SORCS3: variants seen among roughly 807,000 people sequenced by gnomAD.
SORCS3 encodes the protein VPS10 domain-containing receptor SorCS3.
In SORCS3, 57 loss-of-function variants were observed where a neutral mutation model predicts 146.3. That is an observed-to-expected ratio of 0.39 (90% CI 0.31 to 0.49). The LOEUF is 0.49. Ranked by LOEUF, SORCS3 falls within the 20% of genes least tolerant of loss-of-function variation. SORCS3 has a pLI of 0.92. For synonymous variants in SORCS3, 653 were observed against 618.5 expected (o/e 1.06, Z -0.83); for missense variants, 1,341 against 1,575.5 (o/e 0.85, Z 2.52).
intron 14 of SORCS3, among the ~76,000 whole-genome samples, chr10:105,196,605 C>CA (rs546899094): frequency 1.7e-3 from 251 of 151,614 alleles, no homozygotes; most frequent in African/African-American, 5.5e-3. Context: ...AACTCTGTTT[C>CA]AAAAAAAACA....
In SORCS3 at chr10:104,737,903, T is replaced by A. The variant is rs2016794488; in HGVS notation, c.627+95949T>A. Among the ~76,000 whole-genome samples the A allele has an allele frequency of 4.0e-5, 6 of 150,088 alleles. No individual in the cohort carries two copies. In the South Asian group the frequency reaches 1.3e-3, roughly 33 times the overall value. The stretch of plus-strand genomic sequence containing the variant: ...AGGTTTTCTTCTAGGGTTTTTATGG[T>A]TTTAGGTCTAACGTTTAAGTCTTTA... On this transcript the variant is annotated intron_variant, in intron 1 of 26. Transcript: ENST00000369701.
In SORCS3 at chr10:104,995,322, G is replaced by A. The variant is rs767553263; in HGVS notation, c.954+17829G>A. On this transcript the variant is annotated intron_variant, in intron 4 of 26. Transcript: ENST00000369701. ...TCACAGGTGCACGCCACCATGACCGGCTAACTTTTGTATTTTTAATAGAGA... is the reference window on the plus strand; with the variant it reads ...TCACAGGTGCACGCCACCATGACCGACTAACTTTTGTATTTTTAATAGAGA... Among the ~76,000 whole-genome samples the A allele has an allele frequency of 3.6e-4, 54 of 151,922 alleles. No homozygotes were observed. The Middle Eastern group carries it at 0.014, about 39-fold the overall frequency.
intron 3 of SORCS3, among the ~76,000 whole-genome samples, chr10:104,967,226 C>T (rs1394578437): frequency 2.0e-5 from 3 of 152,062 alleles, no homozygotes; most frequent in Non-Finnish European, 4.4e-5. Flanking sequence ...TTTACTCTGG[C>T]CGTATTCATG....
At chr10:104,807,206 T>C (rs2017688034) in intron 1 of SORCS3, among the ~76,000 whole-genome samples, 1 of 151,994 alleles carries the variant, frequency 6.6e-6, no homozygotes, top group Non-Finnish European at 1.5e-5. Flanking sequence ...CGCATGTGTG[T>C]GTGTGCGTGT....
chr10:105,228,300 T>TCTGC (rs1181386729), intron 20 of SORCS3, among the ~76,000 whole-genome samples: 1 of 151,834 alleles, frequency 6.6e-6, no homozygotes, highest in East Asian at 1.9e-4. Context: ...TTTTCATGTG[T>TCTGC]CTGCCTGCCT....
intron 1 of SORCS3, among the ~76,000 whole-genome samples, chr10:104,683,555 G>C (rs1373249715): frequency 6.6e-6 from 1 of 152,190 alleles, no homozygotes; most frequent in Non-Finnish European, 1.5e-5. Context: ...TTACCCTTTT[G>C]CCTTGATGCT....
At chr10:104,846,432 C>A (rs1418381336) in intron 2 of SORCS3, among the ~76,000 whole-genome samples, 5 of 152,166 alleles carry the variant, frequency 3.3e-5, no homozygotes, top group African/African-American at 1.2e-4. Flanking sequence ...TTCGGCCTAA[C>A]ATGCTTAACC....
intron 1 of SORCS3, among the ~76,000 whole-genome samples, chr10:104,818,885 C>T (rs566085463): frequency 3.9e-5 from 6 of 151,962 alleles, no homozygotes; most frequent in South Asian, 2.1e-4. Flanking sequence ...CATGCATGAC[C>T]GTGTGGGACT....
chr10:104,852,728 C>CGTAA (rs1385397419), intron 2 of SORCS3, among the ~76,000 whole-genome samples: 2 of 152,290 alleles, frequency 1.3e-5, no homozygotes, highest in Admixed American at 1.3e-4. Context: ...GAGTGATGAG[C>CGTAA]GTAATCATTC....
chr10:104,667,243 C>T (rs907646172), intron 1 of SORCS3, among the ~76,000 whole-genome samples: 3 of 152,208 alleles, frequency 2.0e-5, no homozygotes, highest in Non-Finnish European at 2.9e-5. Context: ...TATGTACTGA[C>T]TTTCCCGAGC....
intron 1 of SORCS3, among the ~76,000 whole-genome samples, chr10:104,835,791 G>A (rs760684169): frequency 6.6e-6 from 1 of 152,182 alleles, no homozygotes; most frequent in Non-Finnish European, 1.5e-5. Flanking sequence ...CCAAATATGA[G>A]TAACTAGAAG....
chr10:105,200,024 T>A lies in SORCS3; in HGVS notation c.2035T>A (p.Ser679Thr). ...AGTTTTTGGCCACTTCAGCCTCCGC[T>A]CCGAATGGCAATTGGTGAAAGTGGA... Reference protein sequence around the residue: ...MTVFGHFSLRSEWQLVKVDYK... With the variant: ...MTVFGHFSLRTEWQLVKVDYK... Residue 679 changes from serine (S) to threonine (T), a missense_variant, in exon 15 of 27, where the codon TCC becomes ACC. Ser to Thr is a moderately conservative substitution (Grantham distance 58, BLOSUM62 1). Transcript: ENST00000369701. The A allele has an allele frequency of 1.2e-6, 2 of 1,613,614 alleles. No homozygotes were observed. The highest frequency in any genetic ancestry group is 1.7e-6 in the Non-Finnish European group (2 of 1,179,658).
intron 6 of SORCS3, among the ~76,000 whole-genome samples, chr10:105,102,652 G>C (rs1330217637): frequency 6.6e-6 from 1 of 152,030 alleles, no homozygotes. Context: ...ATGCACATGT[G>C]CATCCTGGAT....
chr10:105,114,373 G>C (rs1229578231), intron 7 of SORCS3, among the ~76,000 whole-genome samples: 1 of 152,032 alleles, frequency 6.6e-6, no homozygotes, highest in Non-Finnish European at 1.5e-5. Flanking sequence ...TTTGGAAGAG[G>C]GACGGTCATC....
chr10:105,230,849 C>T (rs1177980034), intron 20 of SORCS3, among the ~76,000 whole-genome samples: 1 of 152,196 alleles, frequency 6.6e-6, no homozygotes, highest in African/African-American at 2.4e-5. Flanking sequence ...CTTGCTGCAG[C>T]TGCTTTGGAC....
intron 1 of SORCS3, among the ~76,000 whole-genome samples, chr10:104,675,198 A>G (rs1430256394): frequency 6.6e-6 from 1 of 152,172 alleles, no homozygotes; most frequent in African/African-American, 2.4e-5. Context: ...TTTTTAATTC[A>G]ATTACTGAGA....
chr10:104,959,762 AG>A (rs1351578637), intron 3 of SORCS3, among the ~76,000 whole-genome samples: 7 of 152,218 alleles, frequency 4.6e-5, no homozygotes, highest in African/African-American at 1.2e-4. Flanking sequence ...CATGCAGCAC[AG>A]GTGTCTTGAG....
At chr10:104,674,005 C>T (rs1410676659) in intron 1 of SORCS3, among the ~76,000 whole-genome samples, 2 of 152,126 alleles carry the variant, frequency 1.3e-5, no homozygotes, top group East Asian at 1.9e-4. Context: ...CATACATTTT[C>T]GGTGTCCATT....
intron 1 of SORCS3, among the ~76,000 whole-genome samples, chr10:104,662,378 C>T (rs1214814647): frequency 6.6e-6 from 1 of 152,144 alleles, no homozygotes; most frequent in East Asian, 1.9e-4. Flanking sequence ...TTCATGGTGA[C>T]TCGATGAAGT....
Sources: gnomAD v4.1 joint callset for allele counts (sites outside exome capture counted in the v4.1 genomes callset) on GRCh38, gnomAD v4.1.1 for gene constraint, MANE v1.5 for transcripts, NCBI Gene and HGNC (gene_info 2026-07-23, HGNC 2026-07-21) for gene names.